The following KCNIP4 variants were observed in gnomAD, a reference collection of about 807,000 sequenced individuals.
KCNIP4 encodes the protein Kv channel-interacting protein 4.
In KCNIP4, 12 loss-of-function variants were observed where a neutral mutation model predicts 34.0. The observed-to-expected ratio is 0.35, with a 90% CI of 0.23 to 0.57. The LOEUF (loss-of-function observed/expected upper bound fraction) is 0.57. KCNIP4 is among the 20% of genes least tolerant of loss of function. The pLI is 0.83. For missense variants in KCNIP4, 238 were observed against 311.7 expected, an observed-to-expected ratio of 0.76 and a Z score of 1.78; for synonymous variants, 124 against 102.2, an observed-to-expected ratio of 1.21 and a Z score of -1.29.
intron 1 of KCNIP4, among the ~76,000 whole-genome samples, chr4:21,404,390 G>T (rs1450215978): frequency 1.3e-5 from 2 of 152,004 alleles, no homozygotes; most frequent in South Asian, 2.1e-4. Context: ...CTTAGTAACT[G>T]CTTAGTAAAT....
intron 1 of KCNIP4, among the ~76,000 whole-genome samples, chr4:21,361,490 A>G (rs1021885394): frequency 6.6e-6 from 1 of 152,078 alleles, no homozygotes; most frequent in African/African-American, 2.4e-5. Context: ...TAATACTAAA[A>G]AAAAAATTAC....
At chr4:21,346,452 G>T (rs528765454) in intron 1 of KCNIP4, among the ~76,000 whole-genome samples, 1 of 149,268 alleles carries the variant, frequency 6.7e-6, no homozygotes, top group South Asian at 2.1e-4. Context: ...ACCAAGATTC[G>T]TAACAGAATT....
chr4:21,438,242 T>C (rs1312376020), intron 1 of KCNIP4, among the ~76,000 whole-genome samples: 1 of 152,144 alleles, frequency 6.6e-6, no homozygotes, highest in Non-Finnish European at 1.5e-5. Flanking sequence ...GTGGGGAAGG[T>C]AATATTTCTT....
chr4:21,044,084 C>T (rs1052635687), intron 1 of KCNIP4, among the ~76,000 whole-genome samples: 3 of 152,046 alleles, frequency 2.0e-5, no homozygotes, highest in Non-Finnish European at 1.5e-5. Context: ...TTAGGATTGG[C>T]CCCACTCACT....
chr4:21,389,461 C>A (rs1482487600), intron 1 of KCNIP4, among the ~76,000 whole-genome samples: 1 of 105,188 alleles, frequency 9.5e-6, no homozygotes, highest in African/African-American at 3.8e-5. Context: ...CCTCCCCCCA[C>A]CCCACAACAG....
intron 1 of KCNIP4, among the ~76,000 whole-genome samples, chr4:21,138,155 C>A (rs1371566946): frequency 6.6e-6 from 1 of 151,982 alleles, no homozygotes; most frequent in Non-Finnish European, 1.5e-5. Flanking sequence ...TGAGTCATTG[C>A]CATCTACATG....
At chr4:21,472,909 T>C (rs1194071728) in intron 1 of KCNIP4, among the ~76,000 whole-genome samples, 1 of 152,216 alleles carries the variant, frequency 6.6e-6, no homozygotes, top group Non-Finnish European at 1.5e-5. Flanking sequence ...GGCTCATAGC[T>C]AGCATTAGCC....
chr4:21,570,333 C>T (rs764688560), intron 1 of KCNIP4, among the ~76,000 whole-genome samples: 4 of 152,056 alleles, frequency 2.6e-5, no homozygotes, highest in Non-Finnish European at 5.9e-5. Context: ...TTTCCCGTTT[C>T]CTGAAGGCCC....
At chr4:21,250,559 T>C (rs1265130989) in intron 1 of KCNIP4, among the ~76,000 whole-genome samples, 1 of 152,178 alleles carries the variant, frequency 6.6e-6, no homozygotes, top group Admixed American at 6.5e-5. Flanking sequence ...TTCTTTATGG[T>C]ATCAAGAGTG....
intron 1 of KCNIP4, among the ~76,000 whole-genome samples, chr4:21,659,132 C>T (rs1358926458): frequency 2.0e-5 from 3 of 152,072 alleles, no homozygotes; most frequent in Admixed American, 6.6e-5. Context: ...AAAAGTGTTA[C>T]TCTGTGTACA....
chr4:21,517,291 T>C (rs1379747708), intron 1 of KCNIP4, among the ~76,000 whole-genome samples: 1 of 151,856 alleles, frequency 6.6e-6, no homozygotes, highest in Non-Finnish European at 1.5e-5. Flanking sequence ...TAAACACAGG[T>C]ATGAAGTATT....
chr4:21,497,857 T>C (rs1182840299), intron 1 of KCNIP4, among the ~76,000 whole-genome samples: 1 of 152,154 alleles, frequency 6.6e-6, no homozygotes, highest in African/African-American at 2.4e-5. Flanking sequence ...TACAATACAA[T>C]AAAAACGTCA....
At chr4:21,451,668 T>C (rs1728515864) in intron 1 of KCNIP4, among the ~76,000 whole-genome samples, 1 of 152,142 alleles carries the variant, frequency 6.6e-6, no homozygotes, top group Non-Finnish European at 1.5e-5. Flanking sequence ...GAAAGCTTCC[T>C]TAATGAAGTT....
intron 1 of KCNIP4, among the ~76,000 whole-genome samples, chr4:21,666,927 C>T (rs1749013108): frequency 6.6e-6 from 1 of 152,114 alleles, no homozygotes. Flanking sequence ...AGGGAATAAA[C>T]AGAGAAGAAA....
intron 1 of KCNIP4, among the ~76,000 whole-genome samples, chr4:21,440,516 T>C (rs1727371646): frequency 6.6e-6 from 1 of 152,238 alleles, no homozygotes; most frequent in South Asian, 2.1e-4. Flanking sequence ...AGTGATTGCT[T>C]TGTTATTTCA....
intron 1 of KCNIP4, among the ~76,000 whole-genome samples, chr4:21,799,628 G>A (rs1720865298): frequency 6.6e-6 from 1 of 152,086 alleles, no homozygotes; most frequent in Non-Finnish European, 1.5e-5. Flanking sequence ...TGTTGAATGT[G>A]CCAGGTGCAA....
At chr4:20,818,765 A>G (rs1401448809) in intron 3 of KCNIP4, among the ~76,000 whole-genome samples, 2 of 152,168 alleles carry the variant, frequency 1.3e-5, no homozygotes, top group Non-Finnish European at 2.9e-5. Flanking sequence ...GCCTTATTCA[A>G]AATAAGATTC....
intron 1 of KCNIP4, among the ~76,000 whole-genome samples, chr4:21,662,091 A>G (rs191229487): frequency 1.3e-5 from 2 of 152,272 alleles, no homozygotes; most frequent in Admixed American, 1.3e-4. Flanking sequence ...ACAAAGGGGT[A>G]TTTGCTTGTA....
intron 1 of KCNIP4, among the ~76,000 whole-genome samples, chr4:21,113,438 GC>G: frequency 1.2e-5 from 1 of 81,528 alleles, no homozygotes; most frequent in Non-Finnish European, 2.2e-5. Context: ...GAGAGGTTGT[GC>G]ATCTATCTAT....
Sources: allele counts gnomAD v4.1 joint callset (sites outside exome capture counted in the v4.1 genomes callset), GRCh38; gene constraint gnomAD v4.1.1; transcripts MANE v1.5; gene names NCBI Gene and HGNC (gene_info 2026-07-23, HGNC 2026-07-21).